Variants in DIS3L2 observed in about 807,000 individuals in gnomAD.
DIS3L2 encodes the protein DIS3 like 3'-5' exoribonuclease 2, also known as DIS3-like exonuclease 2.
A neutral mutation model predicts 97.5 loss-of-function variants in DIS3L2; 34 were observed. The ratio of observed to expected loss-of-function variants is 0.35; its 90% CI spans 0.27 to 0.46. DIS3L2 has a LOEUF of 0.46. Among genes scored for constraint, DIS3L2 ranks in the 20% least tolerant of loss-of-function variants. The pLI is 1.00. For missense variants in DIS3L2, 1,038 were observed against 1,146.0 expected, an observed-to-expected ratio of 0.91 and a Z score of 1.36; for synonymous variants, 435 against 445.2, an observed-to-expected ratio of 0.98 and a Z score of 0.29.
intron 9 of DIS3L2, among the ~76,000 whole-genome samples, chr2:232,208,399 C>T (rs1414085471): frequency 3.3e-5 from 5 of 152,146 alleles, no homozygotes; most frequent in Non-Finnish European, 7.3e-5. Context: ...CAACCGCCAC[C>T]TCCCGGGTTC....
chr2:232,320,429 A>C (rs1271611442), intron 14 of DIS3L2, among the ~76,000 whole-genome samples: 1 of 152,242 alleles, frequency 6.6e-6, no homozygotes, highest in Non-Finnish European at 1.5e-5. Context: ...TTCATTCATC[A>C]TGCAACCAAC....
At chr2:232,155,960 A>T (rs1690484089) in intron 8 of DIS3L2, among the ~76,000 whole-genome samples, 1 of 151,766 alleles carries the variant, frequency 6.6e-6, no homozygotes, top group African/African-American at 2.4e-5. Context: ...CCTGCACTCC[A>T]GCCTGGGCGA....
intron 6 of DIS3L2, among the ~76,000 whole-genome samples, chr2:232,118,462 A>G (rs926881350): frequency 1.3e-5 from 2 of 152,208 alleles, no homozygotes; most frequent in Non-Finnish European, 2.9e-5. Context: ...TCCAGTTTAC[A>G]ATTCATGGCT....
intron 9 of DIS3L2, among the ~76,000 whole-genome samples, chr2:232,195,280 C>A (rs898790107): frequency 6.6e-6 from 1 of 152,208 alleles, no homozygotes; most frequent in African/African-American, 2.4e-5. Flanking sequence ...CCAATGGGTT[C>A]TTCTTGCCCA....
intron 7 of DIS3L2, among the ~76,000 whole-genome samples, chr2:232,133,762 A>T (rs1698280321): frequency 6.6e-6 from 1 of 152,202 alleles, no homozygotes; most frequent in Non-Finnish European, 1.5e-5. Flanking sequence ...AGGTGGGCAG[A>T]TCACCTTGAG....
intron 13 of DIS3L2, among the ~76,000 whole-genome samples, chr2:232,296,129 C>G (rs1038389203): frequency 3.3e-5 from 5 of 152,220 alleles, no homozygotes; most frequent in Non-Finnish European, 4.4e-5. Context: ...AAACTCTTCT[C>G]CCAAACCTGT....
intron 13 of DIS3L2, 87 bp downstream of exon 13, chr2:232,263,527 TCTTC>T: frequency 4.6e-6 from 6 of 1,295,270 alleles, no homozygotes; most frequent in Non-Finnish European, 6.5e-6. Flanking sequence ...AGGCTTAGAC[TCTTC>T]CTTCCTTCTC....
intron 1 of DIS3L2, among the ~76,000 whole-genome samples, chr2:231,997,354 A>G (rs923784762): frequency 1.3e-5 from 2 of 152,268 alleles, no homozygotes; most frequent in Admixed American, 1.3e-4. Context: ...TGTAAAATAT[A>G]AGTGAGTAAA....
At chr2:231,973,803 T>C (rs941736644) in intron 1 of DIS3L2, among the ~76,000 whole-genome samples, 2 of 152,156 alleles carry the variant, frequency 1.3e-5, no homozygotes, top group African/African-American at 2.4e-5. Context: ...TTATGGCTTT[T>C]CCCCACAATA....
intron 5 of DIS3L2, among the ~76,000 whole-genome samples, chr2:232,067,670 G>A (rs576442248): frequency 6.6e-6 from 1 of 152,110 alleles, no homozygotes; most frequent in South Asian, 2.1e-4. Context: ...CAGGGCTTCT[G>A]TTTCCTTACT....
chr2:232,017,933 A>G (rs1418392333), intron 3 of DIS3L2, among the ~76,000 whole-genome samples: 1 of 152,138 alleles, frequency 6.6e-6, no homozygotes, highest in African/African-American at 2.4e-5. Context: ...CCCCAGATAG[A>G]CTGTTCATGT....
intron 13 of DIS3L2, 115 bp downstream of exon 13, chr2:232,263,555 C>T: frequency 3.0e-6 from 3 of 1,015,758 alleles, no homozygotes; most frequent in Admixed American, 4.3e-5. Context: ...GCTCCAGGCA[C>T]CACACTAAAA....
At position 232,088,430 on chromosome 2, in the gene DIS3L2, C is replaced by T. The variant is rs374389129; in HGVS notation, c.601+709C>T. Among the ~76,000 whole-genome samples the T allele has an allele frequency of 9.6e-5, 14 of 146,392 alleles. No individual in the cohort carries two copies. In the East Asian group the frequency reaches 1.4e-3, roughly 15 times the overall value. ...AAAAAAAAATAGCCGGGAGTTGTGG[C>T]GGGCACCTGTAGTCCCAGCTACTCG... On this transcript the variant is annotated intron_variant, in intron 6 of 20. Coordinates refer to ENST00000325385, the MANE Select transcript of DIS3L2 (RefSeq NM_152383.5).
intron 13 of DIS3L2, among the ~76,000 whole-genome samples, chr2:232,272,468 G>T (rs1244523609): frequency 6.6e-6 from 1 of 152,200 alleles, no homozygotes; most frequent in African/African-American, 2.4e-5. Flanking sequence ...AAGAAGGCCA[G>T]TTTGGAGGGT....
chr2:232,065,281 A>G (rs1431030260), intron 5 of DIS3L2, among the ~76,000 whole-genome samples: 2 of 151,814 alleles, frequency 1.3e-5, no homozygotes, highest in African/African-American at 4.8e-5. Flanking sequence ...GCTCCTGGCA[A>G]CCACCATTCT....
At chr2:232,088,215 A>G (rs1299979415) in intron 6 of DIS3L2, among the ~76,000 whole-genome samples, 1 of 150,646 alleles carries the variant, frequency 6.6e-6, no homozygotes, top group Non-Finnish European at 1.5e-5. Flanking sequence ...CCTGGCTAAC[A>G]TGGTGAAACC....
chr2:232,211,653 G>A (rs927210261), intron 10 of DIS3L2, among the ~76,000 whole-genome samples: 1 of 152,160 alleles, frequency 6.6e-6, no homozygotes, highest in Non-Finnish European at 1.5e-5. Flanking sequence ...TGGCCTAGTG[G>A]CCTAGTGTTT....
chr2:232,259,411 A>G (rs553595245), intron 12 of DIS3L2, among the ~76,000 whole-genome samples: 24 of 152,218 alleles, frequency 1.6e-4, no homozygotes, highest in African/African-American at 5.3e-4. Flanking sequence ...CAGGTAATCA[A>G]TTTTAGGAAT....
At chr2:232,260,641 A>G (rs988679641) in intron 12 of DIS3L2, 2 of 152,262 alleles carry the variant, frequency 1.3e-5, no homozygotes, top group South Asian at 4.1e-4. Flanking sequence ...AAAGTCAGTG[A>G]TTACAGATTC....
Sources: allele counts gnomAD v4.1 joint callset (sites outside exome capture counted in the v4.1 genomes callset), GRCh38; gene constraint gnomAD v4.1.1; transcripts MANE v1.5; gene names NCBI Gene and HGNC (gene_info 2026-07-23, HGNC 2026-07-21).